Variants in NOL4 observed in about 807,000 individuals in gnomAD.
NOL4 encodes the protein nucleolar protein 4.
NOL4 carries 17 observed loss-of-function variants against 75.9 expected under a neutral mutation model. The ratio of observed to expected loss-of-function variants is 0.22; its 90% CI spans 0.15 to 0.34. NOL4 has a LOEUF of 0.34. NOL4 is among the 10% of genes least tolerant of loss of function. The pLI is 1.00. For missense variants in NOL4, 614 were observed against 793.5 expected (o/e 0.77, Z 2.72); for synonymous variants, 292 against 289.9 (o/e 1.01, Z -0.07).
At chr18:33,905,336 G>C (rs531089712) in intron 9 of NOL4, among the ~76,000 whole-genome samples, 1 of 152,216 alleles carries the variant, frequency 6.6e-6, no homozygotes, top group Non-Finnish European at 1.5e-5. Flanking sequence ...GGGACTGTTA[G>C]AGGTGCTGCT....
chr18:34,164,819 T>C (rs2032093458), intron 1 of NOL4, among the ~76,000 whole-genome samples: 1 of 151,694 alleles, frequency 6.6e-6, no homozygotes, highest in Non-Finnish European at 1.5e-5. Context: ...CTATTCACAA[T>C]AGCAAAGACT....
At chr18:34,075,255 C>A (rs2077694298) in intron 5 of NOL4, among the ~76,000 whole-genome samples, 1 of 152,114 alleles carries the variant, frequency 6.6e-6, no homozygotes, top group Admixed American at 6.6e-5. Flanking sequence ...TTCATATACA[C>A]CTTGTATACA....
intron 2 of NOL4, among the ~76,000 whole-genome samples, chr18:34,105,493 G>A (rs1020322390): frequency 6.6e-6 from 1 of 151,810 alleles, no homozygotes; most frequent in Non-Finnish European, 1.5e-5. Context: ...TGCCAACATT[G>A]TTTTTAAACT....
At position 33,896,496 on chromosome 18, in the gene NOL4, T is replaced by C. The variant is rs1459374338; in HGVS notation, c.1543-13072A>G. 2.0e-5 allele frequency among the ~76,000 whole-genome samples: 3 copies of C among 152,158 alleles called. No homozygotes were observed. In the East Asian group the frequency reaches 5.8e-4, roughly 29 times the overall value. ...AGGCAGCACATCTATGACCATCTGA[T>C]CTTCAACAAAGCTGACAAAAACAAG... On this transcript the variant is annotated intron_variant, in intron 9 of 10. Transcript: ENST00000261592.
chr18:33,987,155 A>G (rs961186720), intron 6 of NOL4, among the ~76,000 whole-genome samples: 1 of 152,080 alleles, frequency 6.6e-6, no homozygotes, highest in Non-Finnish European at 1.5e-5. Context: ...ATAGTACTTT[A>G]CACTAAAAAT....
At position 33,958,191 on chromosome 18, in the gene NOL4, A is replaced by G. The variant is rs758773096; in HGVS notation, c.1236+48T>C. The G allele has an allele frequency of 5.4e-6, 8 of 1,483,034 alleles. No homozygotes were observed. The African/African-American group carries it at 9.8e-5, about 18-fold the overall frequency. 91.9% of individuals were successfully genotyped at this position (1,483,034 alleles called of 1,614,324 possible). A position where few individuals can be genotyped will look rare whatever the true frequency, so the allele number is the denominator to read the frequency against. On this transcript the variant is annotated intron_variant, in intron 7 of 10. Transcript: ENST00000261592. ...ATTTACCAACAAGCAACAACATGAA[A>G]GTGAAGTGGTAAAAATTAAACCACA...
intron 9 of NOL4, among the ~76,000 whole-genome samples, chr18:33,884,447 A>C (rs930160825): frequency 6.6e-6 from 1 of 152,122 alleles, no homozygotes; most frequent in African/African-American, 2.4e-5. Flanking sequence ...AATTTTCTTC[A>C]ATCATTCTAA....
intron 1 of NOL4, among the ~76,000 whole-genome samples, chr18:34,218,276 C>T (rs573546429): frequency 3.9e-5 from 6 of 152,044 alleles, no homozygotes; most frequent in East Asian, 1.9e-4. Context: ...AGAGTAAACC[C>T]GTAGGGAGCA....
At chr18:34,044,762 C>T (rs1411234205) in intron 5 of NOL4, among the ~76,000 whole-genome samples, 1 of 152,098 alleles carries the variant, frequency 6.6e-6, no homozygotes, top group Non-Finnish European at 1.5e-5. Flanking sequence ...AAATCAAATT[C>T]GTTCCTGCCT....
At chr18:33,943,041 C>T (rs756684793) in intron 9 of NOL4, 24 bp downstream of exon 9, 3 of 1,496,210 alleles carry the variant, frequency 2.0e-6, no homozygotes, top group Non-Finnish European at 2.8e-6. Flanking sequence ...CTGGTGTTCA[C>T]CAGACTTCAA....
chr18:33,914,746 G>T (rs2066612732), intron 9 of NOL4, among the ~76,000 whole-genome samples: 1 of 152,092 alleles, frequency 6.6e-6, no homozygotes, highest in African/African-American at 2.4e-5. Context: ...AAGGATTCTG[G>T]TCAGGCCAAC....
chr18:33,998,772 A>C (rs2146203441), intron 6 of NOL4, among the ~76,000 whole-genome samples: 1 of 152,232 alleles, frequency 6.6e-6, no homozygotes, highest in Admixed American at 6.5e-5. Context: ...TTAATGAATG[A>C]CCAGGAGATG....
intron 5 of NOL4, among the ~76,000 whole-genome samples, chr18:34,056,505 G>A (rs1334169920): frequency 3.3e-5 from 5 of 151,980 alleles, no homozygotes. Flanking sequence ...ATGCCAAACC[G>A]CTTGCCTCTT....
At chr18:34,067,714 T>A (rs931865430) in intron 5 of NOL4, among the ~76,000 whole-genome samples, 1 of 152,114 alleles carries the variant, frequency 6.6e-6, no homozygotes, top group Non-Finnish European at 1.5e-5. Flanking sequence ...GAGGATGGAG[T>A]TGCCTTTGAG....
chr18:33,937,651 GGT>G (rs978747345), intron 9 of NOL4, among the ~76,000 whole-genome samples: 1 of 152,030 alleles, frequency 6.6e-6, no homozygotes, highest in African/African-American at 2.4e-5. Flanking sequence ...GGCAAAGAGG[GGT>G]TTGATTCAAC....
chr18:33,928,153 A>G (rs576812568), intron 9 of NOL4, among the ~76,000 whole-genome samples: 23 of 152,188 alleles, frequency 1.5e-4, no homozygotes, highest in Non-Finnish European at 3.1e-4. Flanking sequence ...CCTAAAAATA[A>G]TTGGTTTAAA....
intron 5 of NOL4, among the ~76,000 whole-genome samples, chr18:34,031,372 G>T (rs1484774652): frequency 6.6e-6 from 1 of 152,154 alleles, no homozygotes; most frequent in African/African-American, 2.4e-5. Context: ...GAAATGTAAA[G>T]AAAAGACATG....
intron 5 of NOL4, among the ~76,000 whole-genome samples, chr18:34,021,960 C>T (rs2075067402): frequency 6.6e-6 from 1 of 151,706 alleles, no homozygotes; most frequent in Non-Finnish European, 1.5e-5. Flanking sequence ...AAAAATTCGC[C>T]GGGCATGGTG....
chr18:34,078,678 G>A (rs1429053664), intron 5 of NOL4, among the ~76,000 whole-genome samples: 1 of 152,096 alleles, frequency 6.6e-6, no homozygotes. Context: ...TACTTACATG[G>A]GAACAAAATA....
Sources: gnomAD v4.1 joint callset for allele counts (sites outside exome capture counted in the v4.1 genomes callset) on GRCh38, gnomAD v4.1.1 for gene constraint, MANE v1.5 for transcripts, NCBI Gene and HGNC (gene_info 2026-07-23, HGNC 2026-07-21) for gene names.